Variants in CCM2 observed in about 807,000 individuals in gnomAD.
CCM2 encodes CCM2 scaffold protein, also known as cerebral cavernous malformations 2 protein.
Under a neutral mutation model 44.9 loss-of-function variants are expected in CCM2, and 25 were observed. That is an observed-to-expected ratio of 0.56 (90% CI 0.41 to 0.78). CCM2 has a LOEUF of 0.78. Among genes scored for constraint, CCM2 ranks in the 30% least tolerant of loss-of-function variants. The pLI is 0.00. For missense variants in CCM2, 481 were observed against 580.6 expected (o/e 0.83, Z 1.76); for synonymous variants, 219 against 241.1 (o/e 0.91, Z 0.85).
intron 1 of CCM2, among the ~76,000 whole-genome samples, chr7:45,007,258 T>G (rs572528189): frequency 6.6e-6 from 1 of 152,196 alleles, no homozygotes; most frequent in Non-Finnish European, 1.5e-5. Flanking sequence ...ATTCATTTCA[T>G]CTGGGACAGG....
chr7:45,015,750 G>A (rs1182623520), intron 1 of CCM2, among the ~76,000 whole-genome samples: 1 of 152,136 alleles, frequency 6.6e-6, no homozygotes, highest in South Asian at 2.1e-4. Context: ...AAGGGGAAGG[G>A]ATAGTGAGAA....
chr7:45,027,678 T>A (rs2128721843), intron 1 of CCM2: 1 of 1,614,166 alleles, frequency 6.2e-7, no homozygotes, highest in East Asian at 2.2e-5. Flanking sequence ...GGCCATATTT[T>A]TCAACAAATT....
In CCM2 at chr7:45,062,249, G is replaced by T. The variant is rs533995036; in HGVS notation, c.205-1669G>T. ...CTTTTTTAATAGAGAACTTAACTGT[G>T]TGAGGTAATGAACAACTGAGAAATG... is the stretch of plus-strand genomic sequence containing the variant. On this transcript the variant is annotated intron_variant, in intron 2 of 9. Transcript: ENST00000258781. Among the ~76,000 whole-genome samples the T allele has an allele frequency of 5.9e-5, 9 of 152,294 alleles. No individual in the cohort carries two copies. The South Asian group carries it at 1.4e-3, about 25-fold the overall frequency.
intron 5 of CCM2, 117 bp from the exon 6 acceptor site, chr7:45,069,709 A>C: frequency 3.1e-6 from 4 of 1,283,634 alleles, no homozygotes; most frequent in Non-Finnish European, 4.5e-6. Context: ...ACATTCTGGT[A>C]TCCACTCTTC....
rs56402714 is a variant in CCM2 at position 45,072,521 on chromosome 7, G to C, written c.746-205G>C. ...TTTGCATTTGCCAGGATCCCCAGGA[G>C]GGGTGTATGTGGGCTCAAGTCTGGG... On this transcript the variant is annotated intron_variant, in intron 6 of 9. Coordinates refer to ENST00000258781, the MANE Select transcript of CCM2 (RefSeq NM_031443.4). 4.4e-3 allele frequency: 2,864 copies of C among 652,274 alleles called. 11 individuals are homozygous for C. Among genetic ancestry groups the C allele is most frequent in the Non-Finnish European group, 6.4e-3 (2,281 of 357,982 alleles). The allele number at this position is 652,274 out of a possible 1,614,324, so 40.4% of individuals were successfully genotyped here. A position where few individuals can be genotyped will look rare whatever the true frequency, so the allele number is the denominator to read the frequency against.
intron 5 of CCM2, among the ~76,000 whole-genome samples, chr7:45,069,443 G>A (rs888508884): frequency 5.9e-5 from 9 of 152,216 alleles, no homozygotes; most frequent in African/African-American, 1.7e-4. Context: ...TGTTAGAAAT[G>A]CCTCCAGGTG....
chr7:45,063,770 G>C, intron 2 of CCM2, 148 bp from the exon 3 acceptor site: 1 of 686,550 alleles, frequency 1.5e-6, no homozygotes, highest in East Asian at 2.7e-5. Flanking sequence ...TCTCTTCCTA[G>C]AGTTGGGCCT....
chr7:45,031,381 CAAA>C (rs35741858), intron 1 of CCM2, among the ~76,000 whole-genome samples: 8 of 57,468 alleles, frequency 1.4e-4, no homozygotes, highest in Admixed American at 2.0e-4. Flanking sequence ...GACTCCAGGT[CAAA>C]AAAAAAAAAA....
chr7:45,047,068 G>A (rs1562890348), intron 2 of CCM2, among the ~76,000 whole-genome samples: 1 of 152,274 alleles, frequency 6.6e-6, no homozygotes, highest in South Asian at 2.1e-4. Context: ...TAGAACACAA[G>A]ATGCTGGAGA....
At chr7:45,025,338 G>A (rs780025590) in intron 1 of CCM2, among the ~76,000 whole-genome samples, 12 of 152,076 alleles carry the variant, frequency 7.9e-5, no homozygotes, top group East Asian at 3.8e-4. Context: ...TCGAATTGGT[G>A]GCAAATGTTC....
chr7:45,062,570 C>A (rs1295609041), intron 2 of CCM2, among the ~76,000 whole-genome samples: 1 of 152,214 alleles, frequency 6.6e-6, no homozygotes, highest in Non-Finnish European at 1.5e-5. Flanking sequence ...CATGGTGCCT[C>A]ACACCTGTAA....
chr7:45,073,080 G>A (rs982945560), intron 7 of CCM2: 14 of 590,010 alleles, frequency 2.4e-5, no homozygotes, highest in Admixed American at 1.2e-4. Context: ...CGAGCCTGCC[G>A]AGGCGCTGGC....
In CCM2 at chr7:45,068,594, C is replaced by A; in HGVS notation, c.609+15C>A. ...CAGAGAGCAAGGTGAGACTTTCTCG[C>A]CCCACTTACTCAGAACTGGCTCCTC... On this transcript the variant is annotated intron_variant, in intron 5 of 9. Coordinates refer to ENST00000258781, the MANE Select transcript of CCM2 (RefSeq NM_031443.4). 1.2e-6 allele frequency: 2 copies of A among 1,613,662 alleles called. No homozygotes were observed. Among genetic ancestry groups the A allele is most frequent in the South Asian group, 2.2e-5 (2 of 91,084 alleles).
intron 4 of CCM2, among the ~76,000 whole-genome samples, chr7:45,065,017 T>G (rs1383282101): frequency 6.6e-6 from 1 of 152,100 alleles, no homozygotes; most frequent in Non-Finnish European, 1.5e-5. Context: ...CACCTCAGCT[T>G]GACTGATATT....
intron 4 of CCM2, chr7:45,068,034 G>A (rs764229808): frequency 3.5e-6 from 1 of 286,680 alleles, no homozygotes; most frequent in Non-Finnish European, 6.9e-6. Flanking sequence ...CGTCTAGATT[G>A]CCATGTGGAC....
At chr7:45,018,144 A>G (rs9639905) in intron 1 of CCM2, among the ~76,000 whole-genome samples, 131,877 of 152,034 alleles carry the variant, frequency 0.87, 57,505 homozygotes, top group African/African-American at 0.96. Context: ...CAGGGTTTGT[A>G]CTCTTATGAG....
intron 2 of CCM2, among the ~76,000 whole-genome samples, chr7:45,051,198 T>A (rs1797984465): frequency 1.3e-5 from 2 of 152,164 alleles, no homozygotes; most frequent in African/African-American, 2.4e-5. Context: ...CCTTTCCAGA[T>A]GAACTACAGC....
intron 2 of CCM2, among the ~76,000 whole-genome samples, chr7:45,041,058 G>T (rs1024016397): frequency 1.3e-5 from 2 of 152,176 alleles, no homozygotes; most frequent in African/African-American, 2.4e-5. Flanking sequence ...CAAGGGGTCT[G>T]CCAGGGAAAG....
chr7:45,017,636 C>CA lies in CCM2; in HGVS notation c.30+17274dup, dbSNP rs765123251. ...TTATAATTTGGTGTCTTTTTTTCCCCATGATCTTCATGAACGCATGTAATT... is the reference window on the plus strand; with the variant it reads ...TTATAATTTGGTGTCTTTTTTTCCCCAATGATCTTCATGAACGCATGTAATT... On this transcript the variant is annotated intron_variant, in intron 1 of 9. Transcript: ENST00000258781. Among the ~76,000 whole-genome samples the CA allele has an allele frequency of 8.5e-5, 13 of 152,228 alleles. No individual in the cohort carries two copies. The South Asian group carries it at 2.7e-3, about 32-fold the overall frequency.
Sources: allele counts gnomAD v4.1 joint callset (sites outside exome capture counted in the v4.1 genomes callset), GRCh38; gene constraint gnomAD v4.1.1; transcripts MANE v1.5; gene names NCBI Gene and HGNC (gene_info 2026-07-23, HGNC 2026-07-21).